Variants in PLEKHG5 observed in about 807,000 individuals in gnomAD.
PLEKHG5 encodes pleckstrin homology domain-containing family G member 5.
PLEKHG5 carries 52 observed loss-of-function variants against 103.8 expected under a neutral mutation model. The observed-to-expected ratio is 0.50, with a 90% CI of 0.40 to 0.63. PLEKHG5 has a LOEUF of 0.63. PLEKHG5 is among the 30% of genes least tolerant of loss of function. The probability of loss-of-function intolerance (pLI) is 0.00; values close to 1 mark genes in which losing one functional copy is unlikely to be tolerated. For synonymous variants in PLEKHG5, 592 were observed against 575.5 expected, an observed-to-expected ratio of 1.03 and a Z score of -0.41; for missense variants, 1,205 against 1,347.6, an observed-to-expected ratio of 0.89 and a Z score of 1.66.
In PLEKHG5 at chr1:6,476,099, C is replaced by T. The variant is rs185038939; in HGVS notation, c.44-63G>A. 1.4e-5 allele frequency: 20 copies of T among 1,411,752 alleles called. No individual in the cohort carries two copies. In the Admixed American group the frequency reaches 3.5e-4, roughly 25 times the overall value. The allele number at this position is 1,411,752 out of a possible 1,614,324, so 87.5% of individuals were successfully genotyped here. A position where few individuals can be genotyped will look rare whatever the true frequency, so the allele number is the denominator to read the frequency against. On this transcript the variant is annotated intron_variant, in intron 2 of 20. Transcript: ENST00000377728. ...CCCTCCTTAGCCTGCAGCATGGCTG[C>T]CTCCAGAGGGACCACAGCCTGTTAC...
rs567097255 is a variant in PLEKHG5, at chr1:6,479,787, T to G, written c.-87-2129A>C. Among the ~76,000 whole-genome samples the G allele has an allele frequency of 5.8e-4, 88 of 152,248 alleles. 1 individual carries two copies. The South Asian group carries it at 0.018, about 31-fold the overall frequency. On this transcript the variant is annotated intron_variant, in intron 1 of 20. Coordinates refer to ENST00000377728, the MANE Select transcript of PLEKHG5 (RefSeq NM_020631.6). Reference sequence around the variant, plus strand: ...CCACTACGCCCAACTAACTTTTTTATTTTTAGTAGTGACAGATCTCACTAT... The same window carrying G: ...CCACTACGCCCAACTAACTTTTTTAGTTTTAGTAGTGACAGATCTCACTAT...
Position 6,468,293 on chromosome 1 carries a change from C to T in PLEKHG5, c.2543G>A (p.Arg848Gln), listed in dbSNP as rs761000380. ...ELVPRAPESP[R>Q]VPSPPPSPRL... ...GGGCGAGGGTGGAGGGGAAGGAACT[C>T]GTGGGGACTCTGGGGCCCGAGGCAC... is the stretch of plus-strand genomic sequence containing the variant. The change falls in exon 20 of 21, where the codon CGA (arginine) becomes CAA (glutamine). Residue 848 changes from arginine (R) to glutamine (Q), a missense_variant. Arg to Gln is a conservative substitution (Grantham distance 43, BLOSUM62 1). Transcript: ENST00000377728. The T allele has an allele frequency of 1.2e-4, 195 of 1,609,528 alleles. No individual in the cohort carries two copies. Among genetic ancestry groups the T allele is most frequent in the Non-Finnish European group, 1.5e-4 (172 of 1,178,320 alleles).
At chr1:6,518,369 C>T (rs1190427825) in intron 1 of PLEKHG5, among the ~76,000 whole-genome samples, 7 of 150,976 alleles carry the variant, frequency 4.6e-5, no homozygotes, top group East Asian at 2.0e-4. Context: ...AAGACCAGCC[C>T]AACCAACATG....
At chr1:6,496,944 C>A, upstream of PLEKHG5, 1 of 1,513,968 alleles carries the variant, frequency 6.6e-7, no homozygotes. Context: ...GATCCCAGAT[C>A]CCTGAGAACC....
At chr1:6,519,567 C>T (rs1638718695) in exon 1 of PLEKHG5, 1 of 1,297,458 alleles carries the variant, frequency 7.7e-7, no homozygotes, top group Non-Finnish European at 1.1e-6. Context: ...ATGCCAATGC[C>T]ACAGGCCTCT....
In PLEKHG5 at chr1:6,505,330, C is replaced by T. The variant is rs573444323; in HGVS notation, c.-164-8761G>A. On this transcript the variant is annotated intron_variant, in intron 1 of 21. Coordinates refer to the PLEKHG5 transcript ENST00000377740. The surrounding 1 kb of genome is among the most constrained non-coding windows in gnomAD (Gnocchi z 4.2). ...TACGGTGCCGACCAGCTGAGCTGAG[C>T]GGACAGAATGGGCATCCGACAGCCA... Among the ~76,000 whole-genome samples, 44 of 152,198 alleles carry T rather than the reference C, an allele frequency of 2.9e-4. No homozygotes were observed. Among genetic ancestry groups the T allele is most frequent in the African/African-American group, 1.0e-3 (43 of 41,508 alleles).
chr1:6,519,374 G>T, intron 1 of PLEKHG5: 1 of 1,241,872 alleles, frequency 8.1e-7, no homozygotes, highest in Non-Finnish European at 1.2e-6. Flanking sequence ...TCCAAGACCT[G>T]CAAAGCCCCT....
chr1:6,500,408 G>A (rs1449418234), upstream of PLEKHG5, among the ~76,000 whole-genome samples: 1 of 152,074 alleles, frequency 6.6e-6, no homozygotes, highest in Non-Finnish European at 1.5e-5. Context: ...CCTGCCCCGG[G>A]CTTCCCTTGG....
intron 1 of PLEKHG5, among the ~76,000 whole-genome samples, chr1:6,504,812 G>A (rs537206305): frequency 3.3e-5 from 5 of 152,158 alleles, no homozygotes; most frequent in African/African-American, 4.8e-5. Context: ...CTCGTGATCC[G>A]CCTGCCTCGG....
chr1:6,477,650 G>A lies in PLEKHG5; in HGVS notation c.-79C>T. ...GGTGCAGCTGCTGGCAGTCGGCGTG[G>A]TGACATACCTGGGGTGGGGACAGAA... On this transcript the variant is annotated 5_prime_UTR_variant, in exon 2 of 21. Coordinates refer to ENST00000377728, the MANE Select transcript of PLEKHG5 (RefSeq NM_020631.6). 2 of 1,603,724 alleles carry A rather than the reference G, an allele frequency of 1.2e-6. No homozygotes were observed. The highest frequency in any genetic ancestry group is 1.7e-6 in the Non-Finnish European group (2 of 1,179,910).
Position 6,468,073 on chromosome 1 carries a change from C to A in PLEKHG5, c.2763G>T (p.Gln921His). 1 of 1,581,340 alleles carries A rather than the reference C, an allele frequency of 6.3e-7. No individual in the cohort carries two copies. The highest frequency in any genetic ancestry group is 8.6e-7 in the Non-Finnish European group (1 of 1,165,696). Residue 921 changes from glutamine (Q) to histidine (H), a missense_variant, in exon 20 of 21, where the codon CAG becomes CAT. Gln to His is a conservative substitution (Grantham distance 24). Transcript: ENST00000377728. ...APGIRTQGSP[Q>H]EAGPSWDCRG... ...GGCAATCCCAGCTGGGCCCAGCTTC[C>A]TGAGGGGAGCCCTGAGTCCTAATAC...
intron 16 of PLEKHG5, 88 bp downstream of exon 16, chr1:6,470,148 A>C: frequency 1.4e-6 from 2 of 1,425,094 alleles, no homozygotes; most frequent in Non-Finnish European, 1.9e-6. Context: ...TAACCACCGA[A>C]GGGACTGCAG....
At chr1:6,475,596 T>G (rs1312901992) in intron 3 of PLEKHG5, 74 bp from the exon 4 acceptor site, 1 of 1,292,926 alleles carries the variant, frequency 7.7e-7, no homozygotes, top group Admixed American at 1.7e-5. Flanking sequence ...AGTGGGCCTG[T>G]GGCCTCCCCG....
chr1:6,510,919 T>C (rs1450928545), intron 1 of PLEKHG5, among the ~76,000 whole-genome samples: 1 of 152,050 alleles, frequency 6.6e-6, no homozygotes, highest in African/African-American at 2.4e-5. Flanking sequence ...TGACATCCCG[T>C]CTCTACTAAA....
upstream of PLEKHG5, among the ~76,000 whole-genome samples, chr1:6,500,899 T>C (rs1645290080): frequency 6.6e-6 from 1 of 152,186 alleles, no homozygotes; most frequent in African/African-American, 2.4e-5. Context: ...CCCCCGACCC[T>C]GTCTCAGTCG....
chr1:6,481,251 G>A (rs930958541), intron 1 of PLEKHG5, among the ~76,000 whole-genome samples: 9 of 152,106 alleles, frequency 5.9e-5, no homozygotes, highest in Admixed American at 5.9e-4. Context: ...GCCAAAAGGG[G>A]CCAGGAGCAG....
chr1:6,485,543 G>A (rs1645011894), intron 1 of PLEKHG5: 2 of 1,161,618 alleles, frequency 1.7e-6, no homozygotes, highest in Non-Finnish European at 2.2e-6. Flanking sequence ...CCGAGCGCGG[G>A]GACCCCGGGG....
intron 1 of PLEKHG5, among the ~76,000 whole-genome samples, chr1:6,484,765 G>C (rs3007423): frequency 3.3e-5 from 5 of 152,176 alleles, no homozygotes; most frequent in African/African-American, 1.2e-4. Flanking sequence ...GGGTCCGGGG[G>C]GGAATGTTCC....
At chr1:6,485,353 C>T (rs1225621310) in intron 1 of PLEKHG5, 14 of 1,429,526 alleles carry the variant, frequency 9.8e-6, no homozygotes, top group African/African-American at 3.0e-5. Flanking sequence ...GCACGACCCC[C>T]GGCCCAGGAG....
Sources: gnomAD v4.1 joint callset for allele counts (sites outside exome capture counted in the v4.1 genomes callset) on GRCh38, gnomAD v4.1.1 for gene constraint, Gnocchi (gnomAD v3.1) non-coding constraint, MANE v1.5 for transcripts, NCBI Gene and HGNC (gene_info 2026-07-23, HGNC 2026-07-21) for gene names.